The following STXBP6 variants were observed in gnomAD, a reference collection of about 807,000 sequenced individuals.
STXBP6 encodes syntaxin-binding protein 6.
In STXBP6, 21 loss-of-function variants were observed where a neutral mutation model predicts 26.9. The ratio of observed to expected loss-of-function variants is 0.78; its 90% CI spans 0.55 to 1.12. The LOEUF (loss-of-function observed/expected upper bound fraction) is 1.12. STXBP6 is among the 50% of genes most tolerant of loss of function. The pLI is 0.00. For synonymous variants in STXBP6, 97 were observed against 92.6 expected, an observed-to-expected ratio of 1.05 and a Z score of -0.27; for missense variants, 232 against 257.9, an observed-to-expected ratio of 0.90 and a Z score of 0.69.
chr14:24,959,232 C>T (rs867012282), intron 2 of STXBP6, among the ~76,000 whole-genome samples: 1 of 152,130 alleles, frequency 6.6e-6, no homozygotes, highest in Non-Finnish European at 1.5e-5. Flanking sequence ...TCAGATCAGT[C>T]GCTCTGAGGA....
intron 2 of STXBP6, among the ~76,000 whole-genome samples, chr14:24,964,679 G>GTGTGTGTGTGTC (rs970807652): frequency 1.3e-5 from 2 of 151,682 alleles, no homozygotes; most frequent in African/African-American, 4.9e-5. Flanking sequence ...GTGTGTGTGT[G>GTGTGTGTGTGTC]TGTATGTAAA....
chr14:24,964,979 CA>C (rs1388699934), intron 2 of STXBP6, among the ~76,000 whole-genome samples: 1 of 152,180 alleles, frequency 6.6e-6, no homozygotes, highest in Non-Finnish European at 1.5e-5. Flanking sequence ...AGGGCTTCTG[CA>C]CCCAATATAC....
At chr14:24,884,594 C>A (rs2139461370) in intron 2 of STXBP6, among the ~76,000 whole-genome samples, 1 of 152,328 alleles carries the variant, frequency 6.6e-6, no homozygotes, top group Middle Eastern at 3.4e-3. Flanking sequence ...CATGCGCTGA[C>A]ATGGTGCTTC....
intron 2 of STXBP6, among the ~76,000 whole-genome samples, chr14:24,973,437 G>A (rs1027441006): frequency 2.1e-4 from 29 of 139,926 alleles, no homozygotes; most frequent in Non-Finnish European, 1.4e-4. Flanking sequence ...CCAGGCTGGA[G>A]TGCAGTGGTG....
intron 2 of STXBP6, among the ~76,000 whole-genome samples, chr14:24,868,835 T>C (rs1262205912): frequency 1.3e-5 from 2 of 152,204 alleles, no homozygotes; most frequent in East Asian, 1.9e-4. Context: ...CCACTCTTCA[T>C]TGCAGTTGAC....
intron 2 of STXBP6, among the ~76,000 whole-genome samples, chr14:24,871,336 T>C (rs1249725444): frequency 6.6e-6 from 1 of 152,144 alleles, no homozygotes; most frequent in Non-Finnish European, 1.5e-5. Flanking sequence ...TGAACACTAT[T>C]AATATTGGGT....
intron 2 of STXBP6, among the ~76,000 whole-genome samples, chr14:24,956,657 A>G (rs2073353980): frequency 6.6e-6 from 1 of 152,124 alleles, no homozygotes; most frequent in African/African-American, 2.4e-5. Context: ...AGAAAATAAG[A>G]ACTGACAGCA....
chr14:24,934,842 G>A (rs1438749156), intron 2 of STXBP6, among the ~76,000 whole-genome samples: 6 of 151,976 alleles, frequency 3.9e-5, no homozygotes, highest in African/African-American at 9.7e-5. Context: ...TTGTTAGGAG[G>A]TCAGAGGCAA....
intron 4 of STXBP6, among the ~76,000 whole-genome samples, chr14:24,846,524 C>T (rs1420295123): frequency 6.6e-6 from 1 of 152,222 alleles, no homozygotes; most frequent in East Asian, 1.9e-4. Context: ...TTTTGGCTGG[C>T]TACAAACTGG....
Position 24,976,852 on chromosome 14 carries a change from C to CTTT in STXBP6, c.-32-2005_-32-2003dup, listed in dbSNP as rs71121808. On this transcript the variant is annotated intron_variant, in intron 1 of 5. Coordinates refer to ENST00000323944, the MANE Select transcript of STXBP6 (RefSeq NM_001394410.1). ...CAAAGTCCTGAGCTGACTGGGCGCT[C>CTTT]TTTTTTTTTTTTTTTTTTTTTTTTT... Among the ~76,000 whole-genome samples the CTTT allele has an allele frequency of 1.4e-3, 62 of 45,278 alleles. 7 individuals are homozygous for CTTT. Among genetic ancestry groups the CTTT allele is most frequent in the East Asian group, 3.1e-3 (4 of 1,286 alleles). The allele number at this position is 45,278 out of a possible 152,430, so 29.7% of individuals were successfully genotyped here.
At chr14:24,916,502 T>C (rs1473912776) in intron 2 of STXBP6, among the ~76,000 whole-genome samples, 1 of 152,162 alleles carries the variant, frequency 6.6e-6, no homozygotes. Context: ...GGGGAGATTT[T>C]ATTTCTTTAA....
rs1050529896 is a variant in STXBP6 at position 24,852,178 on chromosome 14, G to C, written c.451+3758C>G. 2.6e-5 allele frequency among the ~76,000 whole-genome samples: 4 copies of C among 152,086 alleles called. No homozygotes were observed. In the East Asian group the frequency reaches 7.7e-4, roughly 29 times the overall value. On this transcript the variant is annotated intron_variant, in intron 4 of 5. Coordinates refer to ENST00000323944, the MANE Select transcript of STXBP6 (RefSeq NM_001394410.1). ...CCTGACCTAACTCAGACTAGATGGT[G>C]CTCTGAACAGGGACCCCATGACAGT...
At position 25,049,902 on chromosome 14, in the gene STXBP6, C is replaced by A; in HGVS notation, c.-57G>T. On this transcript the variant is annotated 5_prime_UTR_variant, in exon 1 of 6. Coordinates refer to ENST00000323944, the MANE Select transcript of STXBP6 (RefSeq NM_001394410.1). This position sits in a 1 kb window ranked among gnomAD's most constrained non-coding sequence, Gnocchi z 5.6. ...CCGTGCAGCCTGGCTCGCGCCCCTG[C>A]CGTGCCAGTGCGCGGCACGCGTCCC... is the stretch of plus-strand genomic sequence containing the variant. 5 of 982,572 alleles carry A rather than the reference C, an allele frequency of 5.1e-6. No individual in the cohort carries two copies. Among genetic ancestry groups the A allele is most frequent in the Non-Finnish European group, 6.0e-6 (5 of 827,430 alleles). 60.9% of individuals were successfully genotyped at this position (982,572 alleles called of 1,614,324 possible).
chr14:24,891,589 T>C (rs929705775), intron 2 of STXBP6, among the ~76,000 whole-genome samples: 1 of 152,212 alleles, frequency 6.6e-6, no homozygotes, highest in East Asian at 1.9e-4. Flanking sequence ...TACTATAATC[T>C]ATCTCATTTC....
At chr14:24,940,657 C>T (rs1253513515) in intron 2 of STXBP6, among the ~76,000 whole-genome samples, 1 of 152,134 alleles carries the variant, frequency 6.6e-6, no homozygotes, top group Non-Finnish European at 1.5e-5. Flanking sequence ...TCATCTTCCT[C>T]CCTGACTCCA....
chr14:25,032,361 G>T (rs752777107), intron 1 of STXBP6, among the ~76,000 whole-genome samples: 1 of 152,182 alleles, frequency 6.6e-6, no homozygotes, highest in Non-Finnish European at 1.5e-5. Context: ...CAGCCCTGGG[G>T]TTGTGACTTG....
At chr14:24,943,079 T>G (rs1014732504) in intron 2 of STXBP6, among the ~76,000 whole-genome samples, 3 of 152,196 alleles carry the variant, frequency 2.0e-5, no homozygotes, top group African/African-American at 7.2e-5. Flanking sequence ...TCTTGCCCAA[T>G]ATTCTTTCTT....
intron 2 of STXBP6, among the ~76,000 whole-genome samples, chr14:24,895,000 G>C (rs1234802954): frequency 6.6e-6 from 1 of 151,238 alleles, no homozygotes; most frequent in African/African-American, 2.4e-5. Flanking sequence ...TCTTTCTCGT[G>C]TGTTAGTACT....
intron 2 of STXBP6, among the ~76,000 whole-genome samples, chr14:24,862,711 A>G (rs1197155279): frequency 6.6e-6 from 1 of 152,198 alleles, no homozygotes; most frequent in Non-Finnish European, 1.5e-5. Context: ...CACTTTATGA[A>G]AATGTCTTGC....
Sources: gnomAD v4.1 joint callset for allele counts (sites outside exome capture counted in the v4.1 genomes callset) on GRCh38, gnomAD v4.1.1 for gene constraint, Gnocchi (gnomAD v3.1) non-coding constraint, MANE v1.5 for transcripts, NCBI Gene and HGNC (gene_info 2026-07-23, HGNC 2026-07-21) for gene names.